The following HAS2 variants were observed in gnomAD, a reference collection of about 807,000 sequenced individuals.
HAS2 encodes the protein HA synthase 2.
Under a neutral mutation model 51.6 loss-of-function variants are expected in HAS2, and 16 were observed. The ratio of observed to expected loss-of-function variants is 0.31; its 90% confidence interval spans 0.21 to 0.47. The LOEUF is 0.47. Ranked by LOEUF, HAS2 falls within the 20% of genes least tolerant of loss-of-function variation. HAS2 has a pLI of 1.00. For synonymous variants in HAS2, 228 were observed against 235.5 expected (o/e 0.97, Z 0.29); for missense variants, 361 against 662.6 (o/e 0.54, Z 5.00).
At chr8:121,638,282 T>A (rs1295787341) in intron 1 of HAS2, among the ~76,000 whole-genome samples, 1 of 152,232 alleles carries the variant, frequency 6.6e-6, no homozygotes, top group Admixed American at 6.5e-5. Flanking sequence ...TCTTATTCAC[T>A]TGTTGCACAA....
chr8:121,620,584 G>T (rs889087067), intron 2 of HAS2, among the ~76,000 whole-genome samples: 5 of 152,188 alleles, frequency 3.3e-5, no homozygotes, highest in African/African-American at 1.2e-4. Context: ...TGGAAATGAA[G>T]CAAGTCACCA....
chr8:121,636,200 A>G (rs943525270), intron 1 of HAS2, among the ~76,000 whole-genome samples: 2 of 152,362 alleles, frequency 1.3e-5, no homozygotes, highest in Non-Finnish European at 2.9e-5. Context: ...ACTAGGTTAA[A>G]GTAAAATAAG....
intron 1 of HAS2, among the ~76,000 whole-genome samples, chr8:121,637,435 G>C (rs551926373): frequency 1.5e-5 from 2 of 137,146 alleles, no homozygotes; most frequent in Non-Finnish European, 3.0e-5. Context: ...CTGTCACCCA[G>C]GCTGGAGTGG....
intron 1 of HAS2, among the ~76,000 whole-genome samples, chr8:121,632,550 A>C (rs995221733): frequency 6.6e-6 from 1 of 152,214 alleles, no homozygotes; most frequent in African/African-American, 2.4e-5. Flanking sequence ...TCTCCAGAGA[A>C]TTAGGCCAAA....
In HAS2 at chr8:121,614,212, T is replaced by C. The variant is rs1372480161; in HGVS notation, c.1556A>G (p.Tyr519Cys). The change falls in exon 4 of 4, where the codon TAT becomes TGT. Residue 519 changes from tyrosine to cysteine, a missense_variant. Physicochemically the swap from Tyr to Cys is radical, Grantham distance 194 (BLOSUM62 -2). This residue lies in a region of HAS2 where 61 missense variants were observed against 73.1 expected (regional missense o/e 0.84). Transcript: ENST00000303924. This position sits in a 1 kb window ranked among gnomAD's most constrained non-coding sequence, Gnocchi z 7.2. ...QTVLIVGTLL[Y>C]ACYWVMLLTL... The stretch of plus-strand genomic sequence containing the variant: ...CAAAAGCATGACCCAATAGCATGCA[T>C]AGAGCAACGTTCCAACAATTAGAAC... 1.9e-6 allele frequency: 3 copies of C among 1,614,046 alleles called. No individual in the cohort carries two copies. Among genetic ancestry groups the C allele is most frequent in the Non-Finnish European group, 2.5e-6 (3 of 1,180,012 alleles).
intron 2 of HAS2, among the ~76,000 whole-genome samples, chr8:121,624,271 C>CA (rs978044740): frequency 7.9e-5 from 12 of 151,824 alleles, no homozygotes; most frequent in African/African-American, 2.7e-4. Context: ...AGGAAAAGCA[C>CA]AAAAAAGGGA....
intron 2 of HAS2, among the ~76,000 whole-genome samples, chr8:121,619,040 A>G (rs904154073): frequency 1.3e-5 from 2 of 152,154 alleles, no homozygotes; most frequent in African/African-American, 4.8e-5. Context: ...TACATGTAGC[A>G]TGAGTCCTTC....
At chr8:121,624,666 A>G (rs553628169) in intron 2 of HAS2, among the ~76,000 whole-genome samples, 4 of 152,304 alleles carry the variant, frequency 2.6e-5, no homozygotes, top group Admixed American at 2.6e-4. Context: ...TATTTGTTAT[A>G]TATTTTCTAC....
At chr8:121,620,840 CATT>C (rs1563620909) in intron 2 of HAS2, among the ~76,000 whole-genome samples, 1 of 151,868 alleles carries the variant, frequency 6.6e-6, no homozygotes. Context: ...AATGGTTACA[CATT>C]ATTCAATAGT....
At chr8:121,634,796 G>A (rs1812987619) in intron 1 of HAS2, among the ~76,000 whole-genome samples, 1 of 149,724 alleles carries the variant, frequency 6.7e-6, no homozygotes, top group African/African-American at 2.5e-5. Context: ...TCACCCAGAT[G>A]TCTAAAGGTA....
chr8:121,640,529 C>T (rs1231598870), intron 1 of HAS2, among the ~76,000 whole-genome samples: 1 of 151,894 alleles, frequency 6.6e-6, no homozygotes, highest in Non-Finnish European at 1.5e-5. Context: ...AACTCTGGAG[C>T]CCCTCTGCTG....
chr8:121,614,242 T>C lies in HAS2; in HGVS notation c.1526A>G (p.Gln509Arg), dbSNP rs1282727495. 1.2e-6 allele frequency: 2 copies of C among 1,614,152 alleles called. No homozygotes were observed. Among genetic ancestry groups the C allele is most frequent in the Non-Finnish European group, 1.7e-6 (2 of 1,179,986 alleles). Residue 509 changes from glutamine to arginine, a missense_variant, in exon 4 of 4, where the codon CAG becomes CGG. Physicochemically the swap from Gln to Arg is conservative, Grantham distance 43. Transcript: ENST00000303924. This position sits in a 1 kb window ranked among gnomAD's most constrained non-coding sequence, Gnocchi z 7.2. ...ESKRPFSESKQTVLIVGTLLY... is the reference protein window; with the variant it reads ...ESKRPFSESKRTVLIVGTLLY... ...CAACGTTCCAACAATTAGAACTGTC[T>C]GTTTGGATTCTGAAAATGGCCTTTT... is the stretch of plus-strand genomic sequence containing the variant.
chr8:121,632,836 G>A (rs545320026), intron 1 of HAS2, among the ~76,000 whole-genome samples: 6 of 151,728 alleles, frequency 4.0e-5, no homozygotes, highest in Non-Finnish European at 7.4e-5. Flanking sequence ...CTTTTTTTAA[G>A]CATAATCTTA....
rs146917165 is a variant in HAS2 at position 121,637,078 on chromosome 8, C to T, written c.-1+3775G>A. Among the ~76,000 whole-genome samples the T allele has an allele frequency of 1.2e-4, 18 of 152,268 alleles. 1 individual carries two copies. The highest frequency in any genetic ancestry group is 4.3e-4 in the African/African-American group (18 of 41,562). On this transcript the variant is annotated intron_variant, in intron 1 of 3. Transcript: ENST00000303924. Reference sequence around the variant, plus strand: ...GATTAGATATATGTATGTAAACCATCTAGTTGAGTGCCTGAAACATACTAG... The same window carrying T: ...GATTAGATATATGTATGTAAACCATTTAGTTGAGTGCCTGAAACATACTAG...
chr8:121,641,163 T>TTTTTTTTTTTTTTTTTTTTTC lies in HAS2; in HGVS notation c.-312_-311insGAAAAAAAAAAAAAAAAAAAA, dbSNP rs1563626057. The stretch of plus-strand genomic sequence containing the variant: ...TTTCTTTTTTCTTTTCTTTTCTTTT[T>TTTTTTTTTTTTTTTTTTTTTC]TTTTTTTTTTTTTTTTTGGGCTTCA... On this transcript the variant is annotated 5_prime_UTR_variant, in exon 1 of 4. Coordinates refer to ENST00000303924, the MANE Select transcript of HAS2 (RefSeq NM_005328.3). 2.0e-5 allele frequency: 2 copies of TTTTTTTTTTTTTTTTTTTTTC among 98,226 alleles called. No individual in the cohort carries two copies. Among genetic ancestry groups the TTTTTTTTTTTTTTTTTTTTTC allele is most frequent in the African/African-American group, 4.2e-5 (1 of 23,944 alleles). The allele number at this position is 98,226 out of a possible 1,614,324, so 6.1% of individuals were successfully genotyped here.
chr8:121,620,742 C>T (rs1812763904), intron 2 of HAS2, among the ~76,000 whole-genome samples: 1 of 152,120 alleles, frequency 6.6e-6, no homozygotes, highest in Non-Finnish European at 1.5e-5. Flanking sequence ...CCCTCCATTT[C>T]CCCCCTATCT....
intron 1 of HAS2, among the ~76,000 whole-genome samples, chr8:121,638,111 G>A (rs1024537711): frequency 5.9e-5 from 9 of 152,194 alleles, no homozygotes; most frequent in Admixed American, 3.9e-4. Context: ...CCAGTGACAA[G>A]TAAGTGTTTA....
chr8:121,631,316 C>T (rs1355074707), intron 1 of HAS2, among the ~76,000 whole-genome samples: 1 of 152,086 alleles, frequency 6.6e-6, no homozygotes, highest in Non-Finnish European at 1.5e-5. Flanking sequence ...ATGCAAAGTG[C>T]CCTGGACATC....
At chr8:121,640,291 C>A (rs1193907000) in intron 1 of HAS2, 1 of 152,346 alleles carries the variant, frequency 6.6e-6, no homozygotes, top group Non-Finnish European at 1.5e-5. Context: ...GAGAAGGACC[C>A]TCCTTCTCCA....
Sources: allele counts gnomAD v4.1 joint callset (sites outside exome capture counted in the v4.1 genomes callset), GRCh38; gene constraint gnomAD v4.1.1; regional missense constraint gnomAD v4.1.1; non-coding constraint Gnocchi (gnomAD v3.1); transcripts MANE v1.5; gene names NCBI Gene and HGNC (gene_info 2026-07-23, HGNC 2026-07-21).